The following ZNF277 variants were observed in gnomAD, a reference collection of about 807,000 sequenced individuals.
The protein encoded by ZNF277 is nuclear receptor-interacting factor 4.
In ZNF277, 55 loss-of-function variants were observed where a neutral mutation model predicts 60.7. The observed-to-expected ratio is 0.91, with a 90% CI of 0.73 to 1.13. The LOEUF (loss-of-function observed/expected upper bound fraction) is 1.13, where lower values mean the gene tolerates loss of function less well. Ranked by LOEUF, ZNF277 falls within the 50% of genes most tolerant of loss-of-function variation. The probability of loss-of-function intolerance (pLI) is 0.00; values close to 1 mark genes in which losing one functional copy is unlikely to be tolerated. For synonymous variants in ZNF277, 178 were observed against 179.3 expected, an observed-to-expected ratio of 0.99 and a Z score of 0.06; for missense variants, 510 against 523.0, an observed-to-expected ratio of 0.98 and a Z score of 0.24.
rs1040242382 is a variant in ZNF277, at chr7:112,210,104, A to G, written c.91+3297A>G. 4.6e-5 allele frequency among the ~76,000 whole-genome samples: 7 copies of G among 152,132 alleles called. No individual in the cohort carries two copies. In the South Asian group the frequency reaches 1.5e-3, roughly 32 times the overall value. ...TGGCACATGTATACATATGCAACAA[A>G]CCTCCAAGTTGTGCACATGTACCCT... is the stretch of plus-strand genomic sequence containing the variant. On this transcript the variant is annotated intron_variant, in intron 1 of 11. Coordinates refer to ENST00000361822, the MANE Select transcript of ZNF277 (RefSeq NM_021994.3).
chr7:112,340,583 C>T (rs188503625), intron 10 of ZNF277, among the ~76,000 whole-genome samples: 2 of 152,106 alleles, frequency 1.3e-5, no homozygotes, highest in African/African-American at 2.4e-5. Context: ...GCTATCTATG[C>T]GATGCTAGGC....
At chr7:112,339,735 A>G in intron 9 of ZNF277, 108 bp from the exon 10 acceptor site, 1 of 1,110,106 alleles carries the variant, frequency 9.0e-7, no homozygotes. Flanking sequence ...TACCGAACTC[A>G]GACTGAGTTT....
chr7:112,254,832 G>A (rs557218281), intron 1 of ZNF277, among the ~76,000 whole-genome samples: 66 of 152,188 alleles, frequency 4.3e-4, no homozygotes, highest in African/African-American at 1.3e-3. Context: ...TTAGCCGGGC[G>A]TGGTGGCATG....
intron 1 of ZNF277, among the ~76,000 whole-genome samples, chr7:112,239,065 A>G (rs892831185): frequency 2.6e-5 from 4 of 152,152 alleles, no homozygotes; most frequent in Admixed American, 6.5e-5. Context: ...CTACTCACCA[A>G]TGAACCTTGG....
intron 1 of ZNF277, among the ~76,000 whole-genome samples, chr7:112,235,661 G>A (rs1371397050): frequency 2.6e-5 from 4 of 151,960 alleles, no homozygotes; most frequent in Non-Finnish European, 4.4e-5. Flanking sequence ...TACAAGTCCT[G>A]TATCAGTTCT....
At chr7:112,264,312 T>A (rs1366464043) in intron 1 of ZNF277, among the ~76,000 whole-genome samples, 2 of 152,112 alleles carry the variant, frequency 1.3e-5, no homozygotes, top group Non-Finnish European at 2.9e-5. Context: ...CACAACATAA[T>A]ATATAAGTAA....
At chr7:112,328,888 TA>T (rs1313288112) in intron 6 of ZNF277, among the ~76,000 whole-genome samples, 3 of 151,886 alleles carry the variant, frequency 2.0e-5, no homozygotes, top group African/African-American at 7.3e-5. Flanking sequence ...AATAAATAAA[TA>T]AATAAGAGGA....
chr7:112,234,508 C>G (rs1194131751), intron 1 of ZNF277, among the ~76,000 whole-genome samples: 1 of 152,156 alleles, frequency 6.6e-6, no homozygotes, highest in Non-Finnish European at 1.5e-5. Flanking sequence ...TCCCAAAGGT[C>G]CTACATCCTA....
chr7:112,286,955 G>T lies in ZNF277; in HGVS notation c.174G>T (p.Val58=), dbSNP rs1792083161. 6.2e-7 allele frequency: 1 copy of T among 1,610,950 alleles called. No homozygotes were observed. The highest frequency in any genetic ancestry group is 2.2e-5 in the East Asian group (1 of 44,738). The stretch of plus-strand genomic sequence containing the variant: ...CCACTTTAGAAGGTTCTCCATCTGT[G>T]CCTTGTATTTTCTGTGAAGAACATT... ...GTTTLEGSPS[V]PCIFCEEHFP... The change falls in exon 2 of 12, where the codon GTG becomes GTT. Residue 58 remains valine, a synonymous_variant. Coordinates refer to ENST00000361822, the MANE Select transcript of ZNF277 (RefSeq NM_021994.3).
chr7:112,217,722 A>G (rs1310011871), intron 1 of ZNF277, among the ~76,000 whole-genome samples: 2 of 152,212 alleles, frequency 1.3e-5, no homozygotes, highest in Non-Finnish European at 2.9e-5. Flanking sequence ...ATTAACCACC[A>G]GATTAAAAAT....
intron 1 of ZNF277, among the ~76,000 whole-genome samples, chr7:112,232,241 CAG>C (rs1266951329): frequency 2.0e-5 from 3 of 151,766 alleles, no homozygotes; most frequent in African/African-American, 7.3e-5. Flanking sequence ...GGAAGACAAA[CAG>C]AAAGTGAATT....
At chr7:112,256,895 G>C (rs376246890) in intron 1 of ZNF277, among the ~76,000 whole-genome samples, 1 of 151,984 alleles carries the variant, frequency 6.6e-6, no homozygotes, top group African/African-American at 2.4e-5. Flanking sequence ...TTTCATACCC[G>C]TCCAAAATTC....
rs1793431781 is a variant in ZNF277 at position 112,340,917 on chromosome 7, G to C, written c.1055G>C (p.Arg352Thr). ...GTGAAACTGGTCAATTTTATTCGGAGGCAAGTTCACCAATGCAGATGTTAT... is the reference window on the plus strand; with the variant it reads ...GTGAAACTGGTCAATTTTATTCGGACGCAAGTTCACCAATGCAGATGTTAT... ...QQVKLVNFIR[R>T]QVHQCRCYGC... The change falls in exon 11 of 12, where the codon AGG becomes ACG. Residue 352 changes from arginine to threonine, a missense_variant. Coordinates refer to ENST00000361822, the MANE Select transcript of ZNF277 (RefSeq NM_021994.3). The C allele has an allele frequency of 6.2e-7, 1 of 1,611,144 alleles. No individual in the cohort carries two copies. The highest frequency in any genetic ancestry group is 8.5e-7 in the Non-Finnish European group (1 of 1,179,078).
chr7:112,293,019 G>A (rs1792243738), intron 2 of ZNF277, among the ~76,000 whole-genome samples: 3 of 152,088 alleles, frequency 2.0e-5, no homozygotes, highest in Admixed American at 6.6e-5. Flanking sequence ...TGGACAGCGT[G>A]CTTTACATGC....
chr7:112,342,267 G>C (rs1052267747), intron 11 of ZNF277, among the ~76,000 whole-genome samples: 1 of 152,140 alleles, frequency 6.6e-6, no homozygotes, highest in Non-Finnish European at 1.5e-5. Context: ...TATCATGATA[G>C]ATGATCAAGC....
chr7:112,274,721 T>C (rs187755742), intron 1 of ZNF277, among the ~76,000 whole-genome samples: 1 of 152,230 alleles, frequency 6.6e-6, no homozygotes, highest in Admixed American at 6.5e-5. Context: ...ACTCATTTCA[T>C]TAAAGTATTA....
rs1277793495 is a variant in ZNF277 at position 112,336,460 on chromosome 7, G to A, written c.869+289G>A. Among the ~76,000 whole-genome samples the A allele has an allele frequency of 2.6e-5, 4 of 152,112 alleles. 1 individual carries two copies. Among genetic ancestry groups the A allele is most frequent in the African/African-American group, 9.7e-5 (4 of 41,416 alleles). On this transcript the variant is annotated intron_variant, in intron 8 of 11. Coordinates refer to ENST00000361822, the MANE Select transcript of ZNF277 (RefSeq NM_021994.3). Reference sequence around the variant, plus strand: ...GAAGTGCTTTGCCTGCTCAGTTAGTGCTCAGACCTTGAAGTGATGTGATCT... The same window carrying A: ...GAAGTGCTTTGCCTGCTCAGTTAGTACTCAGACCTTGAAGTGATGTGATCT...
At chr7:112,241,644 CAT>C (rs1790957510) in intron 1 of ZNF277, among the ~76,000 whole-genome samples, 2 of 152,106 alleles carry the variant, frequency 1.3e-5, no homozygotes, top group Non-Finnish European at 2.9e-5. Flanking sequence ...AAGTGTGATA[CAT>C]ATACACAATG....
chr7:112,229,753 C>T (rs1034985598), intron 1 of ZNF277, among the ~76,000 whole-genome samples: 2 of 152,224 alleles, frequency 1.3e-5, no homozygotes, highest in Non-Finnish European at 2.9e-5. Flanking sequence ...GAAAGTAACA[C>T]AGAAGTGCCG....
Sources: allele counts gnomAD v4.1 joint callset (sites outside exome capture counted in the v4.1 genomes callset), GRCh38; gene constraint gnomAD v4.1.1; transcripts MANE v1.5; gene names NCBI Gene and HGNC (gene_info 2026-07-23, HGNC 2026-07-21).